The following ZFYVE9 variants were observed in gnomAD, a reference collection of about 807,000 sequenced individuals.
ZFYVE9 encodes zinc finger FYVE domain-containing protein 9.
Under a neutral mutation model 126.7 loss-of-function variants are expected in ZFYVE9, and 43 were observed. The ratio of observed to expected loss-of-function variants is 0.34; its 90% CI spans 0.27 to 0.44. ZFYVE9 has a LOEUF of 0.44. ZFYVE9 is among the 20% of genes least tolerant of loss of function. The pLI is 1.00. For missense variants in ZFYVE9, 1,476 were observed against 1,697.0 expected (o/e 0.87, Z 2.29); for synonymous variants, 521 against 597.4 (o/e 0.87, Z 1.87).
intron 1 of ZFYVE9, among the ~76,000 whole-genome samples, chr1:52,207,298 A>T (rs546489530): frequency 6.6e-6 from 1 of 152,196 alleles, no homozygotes; most frequent in Non-Finnish European, 1.5e-5. Flanking sequence ...AGCGATTTCA[A>T]TGCCTATGTA....
chr1:52,157,380 T>G (rs947826406), intron 1 of ZFYVE9, among the ~76,000 whole-genome samples: 1 of 145,286 alleles, frequency 6.9e-6, no homozygotes, highest in Non-Finnish European at 1.5e-5. Flanking sequence ...TTTTTCCTTA[T>G]GGCACCATAT....
intron 1 of ZFYVE9, among the ~76,000 whole-genome samples, chr1:52,188,560 T>C (rs1357935086): frequency 6.6e-6 from 1 of 152,222 alleles, no homozygotes; most frequent in Non-Finnish European, 1.5e-5. Context: ...TTGAATAATA[T>C]GATTTCATTA....
chr1:52,301,325 AG>A (rs1395543687), intron 12 of ZFYVE9, among the ~76,000 whole-genome samples: 2 of 98,974 alleles, frequency 2.0e-5, no homozygotes, highest in African/African-American at 4.1e-5. Flanking sequence ...TTTTGGAAAT[AG>A]GGTCTCACTC....
chr1:52,323,514 G>A lies in ZFYVE9; in HGVS notation c.3439-9254G>A, dbSNP rs1322774051. Among the ~76,000 whole-genome samples, 10 of 152,328 alleles carry A rather than the reference G, an allele frequency of 6.6e-5. No individual in the cohort carries two copies. The East Asian group carries it at 1.7e-3, about 26-fold the overall frequency. On this transcript the variant is annotated intron_variant, in intron 13 of 18. Transcript: ENST00000287727. ...CAAGCACTAAAACAGTGTCTGGCAC[G>A]TATTAGATACTCAATGCCCATTGGC...
chr1:52,334,824 G>C (rs1646374760), intron 15 of ZFYVE9, 56 bp downstream of exon 15: 2 of 1,553,168 alleles, frequency 1.3e-6, no homozygotes, highest in Admixed American at 1.7e-5. Flanking sequence ...GTACATAAAG[G>C]GAATCCTTTA....
intron 1 of ZFYVE9, among the ~76,000 whole-genome samples, chr1:52,155,998 T>A (rs915262452): frequency 3.1e-4 from 47 of 152,208 alleles, no homozygotes; most frequent in African/African-American, 1.1e-3. Context: ...TTCTTCAGTA[T>A]GCTAGCCACC....
intron 7 of ZFYVE9, among the ~76,000 whole-genome samples, chr1:52,271,580 TTAAG>T (rs1645693201): frequency 6.6e-6 from 1 of 152,146 alleles, no homozygotes; most frequent in South Asian, 2.1e-4. Flanking sequence ...CAGAAGGCAT[TTAAG>T]TAGAGACCAA....
chr1:52,253,787 C>T, intron 4 of ZFYVE9: 3 of 1,604,818 alleles, frequency 1.9e-6, no homozygotes, highest in Admixed American at 1.7e-5. Context: ...TATTGGCAAT[C>T]AGATGGCTCC....
At chr1:52,266,415 A>G (rs1426164427) in intron 5 of ZFYVE9, among the ~76,000 whole-genome samples, 19 of 145,058 alleles carry the variant, frequency 1.3e-4, no homozygotes, top group African/African-American at 5.3e-4. Context: ...TAAAAAAAAA[A>G]AAAAAAAAAA....
At chr1:52,151,727 G>C (rs985459317) in intron 1 of ZFYVE9, among the ~76,000 whole-genome samples, 8 of 152,030 alleles carry the variant, frequency 5.3e-5, no homozygotes, top group Admixed American at 3.9e-4. Context: ...ATGTTGGTCA[G>C]GCTGGTCTGG....
intron 1 of ZFYVE9, among the ~76,000 whole-genome samples, chr1:52,215,575 G>A (rs1393010318): frequency 6.6e-6 from 1 of 152,100 alleles, no homozygotes; most frequent in Non-Finnish European, 1.5e-5. Context: ...TACGTGTTCT[G>A]AAAATACTAT....
chr1:52,337,038 T>C (rs1029798671), intron 15 of ZFYVE9, among the ~76,000 whole-genome samples: 1 of 152,002 alleles, frequency 6.6e-6, no homozygotes, highest in African/African-American at 2.4e-5. Flanking sequence ...TGTTTATGTG[T>C]CTGGCTTGGG....
At chr1:52,147,514 TCTTA>T (rs993034056) in intron 1 of ZFYVE9, among the ~76,000 whole-genome samples, 1 of 152,248 alleles carries the variant, frequency 6.6e-6, no homozygotes, top group Admixed American at 6.5e-5. Context: ...GACTGGTTTC[TCTTA>T]CTTAGCATAA....
At chr1:52,179,053 C>T (rs760572213) in intron 1 of ZFYVE9, among the ~76,000 whole-genome samples, 3 of 152,122 alleles carry the variant, frequency 2.0e-5, no homozygotes, top group Admixed American at 6.5e-5. Context: ...GCCCTCCCTC[C>T]GTGGCCTCCC....
At chr1:52,185,899 A>T (rs1644760631) in intron 1 of ZFYVE9, among the ~76,000 whole-genome samples, 1 of 144,682 alleles carries the variant, frequency 6.9e-6, no homozygotes, top group South Asian at 2.2e-4. Flanking sequence ...CAGCCTGGGG[A>T]CAGAGTGAGA....
intron 10 of ZFYVE9, among the ~76,000 whole-genome samples, chr1:52,284,479 G>A (rs1645834867): frequency 6.6e-6 from 1 of 151,790 alleles, no homozygotes; most frequent in Non-Finnish European, 1.5e-5. Context: ...GAGTGCAGTG[G>A]CGCTATCTCA....
At chr1:52,159,503 G>C (rs1245108119) in intron 1 of ZFYVE9, among the ~76,000 whole-genome samples, 1 of 152,206 alleles carries the variant, frequency 6.6e-6, no homozygotes, top group Non-Finnish European at 1.5e-5. Flanking sequence ...ACAACACAGT[G>C]AAGACTTGAA....
intron 15 of ZFYVE9, among the ~76,000 whole-genome samples, chr1:52,335,534 A>G (rs990845280): frequency 1.3e-5 from 2 of 152,212 alleles, no homozygotes; most frequent in African/African-American, 2.4e-5. Context: ...GCTTGATACC[A>G]TTGGGATAGC....
At chr1:52,323,265 A>G (rs1194902442) in intron 13 of ZFYVE9, among the ~76,000 whole-genome samples, 1 of 152,108 alleles carries the variant, frequency 6.6e-6, no homozygotes, top group Non-Finnish European at 1.5e-5. Flanking sequence ...CTTTTCCCTC[A>G]CTTTTTTCAG....
Sources: gnomAD v4.1 joint callset for allele counts (sites outside exome capture counted in the v4.1 genomes callset) on GRCh38, gnomAD v4.1.1 for gene constraint, MANE v1.5 for transcripts, NCBI Gene and HGNC (gene_info 2026-07-23, HGNC 2026-07-21) for gene names.